Variants in CECR2 observed in about 807,000 individuals in gnomAD.
CECR2 encodes CECR2 histone acetyl-lysine reader, also known as chromatin remodeling regulator CECR2.
CECR2 carries 30 observed loss-of-function variants against 154.5 expected under a neutral mutation model. The observed-to-expected ratio is 0.19, with a 90% CI of 0.15 to 0.26. The LOEUF is 0.26. Among genes scored for constraint, CECR2 ranks in the 10% least tolerant of loss-of-function variants. CECR2 has a pLI of 1.00. For missense variants in CECR2, 1,743 were observed against 1,829.3 expected, an observed-to-expected ratio of 0.95 and a Z score of 0.86; for synonymous variants, 725 against 683.7, an observed-to-expected ratio of 1.06 and a Z score of -0.94.
rs755729821 is a variant in CECR2 at position 17,548,331 on chromosome 22, A to G, written c.3044A>G (p.Asn1015Ser). Residue 1015 changes from asparagine (N) to serine (S), a missense_variant, in exon 17 of 19, where the codon AAC becomes AGC. Asn to Ser is a conservative substitution (Grantham distance 46). Transcript: ENST00000262608. ...AGCAGCTCCTCCGAATCTGCGGACA[A>G]CTGTAAAGCAATGAAGGGCAAGAAT... is the stretch of plus-strand genomic sequence containing the variant. ...LKSSSSESADNCKAMKGKNPW... is the reference protein window; with the variant it reads ...LKSSSSESADSCKAMKGKNPW... 43 of 1,611,844 alleles carry G rather than the reference A, an allele frequency of 2.7e-5. No individual in the cohort carries two copies. Among genetic ancestry groups the G allele is most frequent in the African/African-American group, 4.0e-5 (3 of 74,838 alleles).
At chr22:17,398,274 G>A (rs1007138839) in intron 1 of CECR2, among the ~76,000 whole-genome samples, 2 of 152,024 alleles carry the variant, frequency 1.3e-5, no homozygotes, top group African/African-American at 4.8e-5. Context: ...AAGCTGGACT[G>A]CCGGCCTGGT....
At chr22:17,472,415 A>G (rs2055142308) in intron 1 of CECR2, among the ~76,000 whole-genome samples, 1 of 152,148 alleles carries the variant, frequency 6.6e-6, no homozygotes, top group Non-Finnish European at 1.5e-5. Context: ...ACAGTCCTTC[A>G]AGAGGCCTGC....
Position 17,503,122 on chromosome 22 carries a change from A to G in CECR2, c.691A>G (p.Thr231Ala), listed in dbSNP as rs2055769547. 7.4e-6 allele frequency: 12 copies of G among 1,612,394 alleles called. No individual in the cohort carries two copies. Among genetic ancestry groups the G allele is most frequent in the East Asian group, 4.5e-5 (2 of 44,874 alleles). Reference sequence around the variant, plus strand: ...AAATTCCTTGGCATCCGAGCCACAGACAAGACATGGTAATGTTCTTTACTG... The same window carrying G: ...AAATTCCTTGGCATCCGAGCCACAGGCAAGACATGGTAATGTTCTTTACTG... ...EENSLASEPQ[T>A]RHGSQGPGQG... is the part of the protein sequence containing the mutation. The change falls in exon 6 of 19, where the codon ACA becomes GCA. Residue 231 changes from threonine to alanine, a missense_variant. Coordinates refer to ENST00000262608, the MANE Select transcript of CECR2 (RefSeq NM_001290047.2).
chr22:17,479,448 A>C (rs972950567), intron 2 of CECR2, among the ~76,000 whole-genome samples: 2 of 152,222 alleles, frequency 1.3e-5, no homozygotes, highest in Non-Finnish European at 1.5e-5. Context: ...TAATTACAAC[A>C]GTAAGTGCTT....
Position 17,423,461 on chromosome 22 carries a change from C to T in CECR2, c.126+53552C>T, listed in dbSNP as rs190078485. Reference sequence around the variant, plus strand: ...GGTGGAAGCTGCAGTGAGCCAAGATCGCGCCACTGCACTCCAGCCTGGGCG... The same window carrying T: ...GGTGGAAGCTGCAGTGAGCCAAGATTGCGCCACTGCACTCCAGCCTGGGCG... On this transcript the variant is annotated intron_variant, in intron 1 of 18. Coordinates refer to ENST00000262608, the MANE Select transcript of CECR2 (RefSeq NM_001290047.2). 4.6e-3 allele frequency among the ~76,000 whole-genome samples: 696 copies of T among 151,650 alleles called. 5 individuals are homozygous for T. Among genetic ancestry groups the T allele is most frequent in the Middle Eastern group, 0.01 (3 of 290 alleles).
chr22:17,477,770 C>T, intron 2 of CECR2, 88 bp downstream of exon 2: 1 of 915,860 alleles, frequency 1.1e-6, no homozygotes, highest in Non-Finnish European at 1.8e-6. Flanking sequence ...TGTGACAAAC[C>T]AGAACCGATC....
chr22:17,408,079 T>C (rs1205260907), intron 1 of CECR2, among the ~76,000 whole-genome samples: 1 of 152,196 alleles, frequency 6.6e-6, no homozygotes, highest in East Asian at 1.9e-4. Context: ...AAATTAACTA[T>C]TAACCATTTT....
Position 17,509,862 on chromosome 22 carries a change from G to T in CECR2, c.871-1951G>T, listed in dbSNP as rs537878691. Among the ~76,000 whole-genome samples the T allele has an allele frequency of 3.3e-5, 5 of 152,126 alleles. No homozygotes were observed. In the South Asian group the frequency reaches 1.0e-3, roughly 31 times the overall value. On this transcript the variant is annotated intron_variant, in intron 7 of 18. Coordinates refer to ENST00000262608, the MANE Select transcript of CECR2 (RefSeq NM_001290047.2). Reference sequence around the variant, plus strand: ...GGATGACGTTAATCCTTCTCTGTCCGCCATCAGAAGATTTGATACATCTTT... The same window carrying T: ...GGATGACGTTAATCCTTCTCTGTCCTCCATCAGAAGATTTGATACATCTTT...
intron 7 of CECR2, among the ~76,000 whole-genome samples, chr22:17,506,274 A>G (rs1461954364): frequency 6.6e-6 from 1 of 152,044 alleles, no homozygotes; most frequent in Non-Finnish European, 1.5e-5. Flanking sequence ...CTGCAGGCAC[A>G]TGCCACCACG....
At chr22:17,374,139 A>G (rs2063090818) in intron 1 of CECR2, among the ~76,000 whole-genome samples, 1 of 152,152 alleles carries the variant, frequency 6.6e-6, no homozygotes, top group South Asian at 2.1e-4. Context: ...AATGGTTTGT[A>G]TAGTAGCAGC....
chr22:17,448,970 C>G (rs1486910584), intron 1 of CECR2, among the ~76,000 whole-genome samples: 1 of 152,064 alleles, frequency 6.6e-6, no homozygotes, highest in Non-Finnish European at 1.5e-5. Flanking sequence ...CCTCTGCCTC[C>G]TGGATTCAAG....
chr22:17,515,975 A>G (rs1392261914), intron 8 of CECR2, among the ~76,000 whole-genome samples: 1 of 152,170 alleles, frequency 6.6e-6, no homozygotes, highest in African/African-American at 2.4e-5. Context: ...ACGCCCGGCC[A>G]GTACCAGCCT....
intron 1 of CECR2, among the ~76,000 whole-genome samples, chr22:17,476,741 G>A (rs2055214075): frequency 6.6e-6 from 1 of 152,204 alleles, no homozygotes; most frequent in African/African-American, 2.4e-5. Flanking sequence ...GCATGCAGAA[G>A]ATTGCATCCT....
At chr22:17,521,666 A>T (rs2056161017) in intron 8 of CECR2, among the ~76,000 whole-genome samples, 3 of 152,026 alleles carry the variant, frequency 2.0e-5, no homozygotes, top group Admixed American at 2.0e-4. Flanking sequence ...TTGTCAGATG[A>T]GTAGATTGTA....
chr22:17,428,734 T>A (rs1316617902), intron 1 of CECR2, among the ~76,000 whole-genome samples: 2 of 152,008 alleles, frequency 1.3e-5, no homozygotes, highest in African/African-American at 4.8e-5. Context: ...TGACTCAGCC[T>A]CTGAAAGTGC....
At chr22:17,403,258 T>C (rs1282611750) in intron 1 of CECR2, among the ~76,000 whole-genome samples, 1 of 151,778 alleles carries the variant, frequency 6.6e-6, no homozygotes, top group East Asian at 1.9e-4. Context: ...TTTAGACATG[T>C]CCTCATTTTT....
At chr22:17,483,974 CCT>C in intron 2 of CECR2, among the ~76,000 whole-genome samples, 1 of 152,154 alleles carries the variant, frequency 6.6e-6, no homozygotes, top group African/African-American at 2.4e-5. Context: ...ATCCACAAAT[CCT>C]TAACATTCCA....
chr22:17,460,994 G>C (rs28719031), intron 1 of CECR2, among the ~76,000 whole-genome samples: 6,196 of 152,266 alleles, frequency 0.041, 207 homozygotes, highest in South Asian at 0.13. Context: ...CTGGAGACCT[G>C]TTTGGGGGTG....
In CECR2 at chr22:17,499,568, G is replaced by T. The variant is rs7284169; in HGVS notation, c.545+19G>T. On this transcript the variant is annotated intron_variant, in intron 4 of 18. Coordinates refer to ENST00000262608, the MANE Select transcript of CECR2 (RefSeq NM_001290047.2). Reference sequence around the variant, plus strand: ...TGAGCAGGTATGTTCTTCAGTGTTAGGGCATGATAGCTACTGTATTAAAAT... The same window carrying T: ...TGAGCAGGTATGTTCTTCAGTGTTATGGCATGATAGCTACTGTATTAAAAT... 26 of 1,588,958 alleles carry T rather than the reference G, an allele frequency of 1.6e-5. No homozygotes were observed. The highest frequency in any genetic ancestry group is 2.3e-5 in the South Asian group (2 of 87,796).
Sources: gnomAD v4.1 joint callset for allele counts (sites outside exome capture counted in the v4.1 genomes callset) on GRCh38, gnomAD v4.1.1 for gene constraint, MANE v1.5 for transcripts, NCBI Gene and HGNC (gene_info 2026-07-23, HGNC 2026-07-21) for gene names.